The following CIITA variants were observed in gnomAD, a reference collection of about 807,000 sequenced individuals.
CIITA encodes class II major histocompatibility complex transactivator, also known as MHC class II transactivator.
In CIITA, 72 loss-of-function variants were observed where a neutral mutation model predicts 115.1. The observed-to-expected ratio is 0.63, with a 90% CI of 0.52 to 0.76. The LOEUF (loss-of-function observed/expected upper bound fraction) is 0.76. Ranked by LOEUF, CIITA falls within the 30% of genes least tolerant of loss-of-function variation. The probability of loss-of-function intolerance (pLI) is 0.00; values close to 1 mark genes in which losing one functional copy is unlikely to be tolerated. For synonymous variants in CIITA, 763 were observed against 635.6 expected, an observed-to-expected ratio of 1.20 and a Z score of -3.02; for missense variants, 1,617 against 1,463.8, an observed-to-expected ratio of 1.10 and a Z score of -1.71.
intron 1 of CIITA, among the ~76,000 whole-genome samples, chr16:10,870,169 CAAAAAAAAAAAAAAAA>C (rs34256366): frequency 4.3e-5 from 2 of 46,284 alleles, no homozygotes; most frequent in South Asian, 1.0e-3. Context: ...GTACTTCCTG[CAAAAAAAAAAAAAAAA>C]AAAAAAAAAA....
rs146324480 is a variant in CIITA at position 10,941,780 on chromosome 16, G to A, written n.906G>A. 2.1e-5 allele frequency: 34 copies of A among 1,613,644 alleles called. No individual in the cohort carries two copies. Among genetic ancestry groups the A allele is most frequent in the Middle Eastern group, 1.7e-4 (1 of 6,046 alleles). On this transcript the variant is annotated non_coding_transcript_exon_variant, in exon 2 of 2. Transcript: ENST00000573379. This position sits in a 1 kb window ranked among gnomAD's most constrained non-coding sequence, Gnocchi z 6.4. Reference sequence around the variant, plus strand: ...TCAGCATCGTAAAGGCCCGAGCCGGGGTCGGAGAGCACGCCGAGGTCCACG... The same window carrying A: ...TCAGCATCGTAAAGGCCCGAGCCGGAGTCGGAGAGCACGCCGAGGTCCACG...
chr16:10,937,005 G>A (rs1235725422), downstream of CIITA: 1 of 152,220 alleles, frequency 6.6e-6, no homozygotes, highest in Non-Finnish European at 1.5e-5. This position sits in a 1 kb window ranked among gnomAD's most constrained non-coding sequence, Gnocchi z 4.2. Flanking sequence ...AGCTGTAAGT[G>A]GGGCAGACCC....
chr16:10,873,577 T>G (rs1278556147), upstream of CIITA, among the ~76,000 whole-genome samples: 1 of 152,174 alleles, frequency 6.6e-6, no homozygotes, highest in Non-Finnish European at 1.5e-5. Flanking sequence ...GCTCCCAGCA[T>G]TCTTCCTTGG....
chr16:10,872,794 T>A (rs1165071516), upstream of CIITA, among the ~76,000 whole-genome samples: 2 of 152,206 alleles, frequency 1.3e-5, no homozygotes, highest in East Asian at 3.8e-4. Flanking sequence ...CTGCTAGAAA[T>A]TATGGTGGAC....
At position 10,901,441 on chromosome 16, in the gene CIITA, G is replaced by C; in HGVS notation, c.437-73G>C. The C allele has an allele frequency of 2.6e-6, 4 of 1,535,660 alleles. No homozygotes were observed. Among genetic ancestry groups the C allele is most frequent in the Non-Finnish European group, 3.6e-6 (4 of 1,109,962 alleles). On this transcript the variant is annotated intron_variant, in intron 5 of 19. Transcript: ENST00000324288. The surrounding 1 kb of genome is among the most constrained non-coding windows in gnomAD (Gnocchi z 6.8). The stretch of plus-strand genomic sequence containing the variant: ...CCTTGAAGTTAAGGCCGTATAGCCT[G>C]CTAGAGTCCTGAGCCCCTTCTGGCT...
At chr16:10,871,471 T>G (rs113876239) in intron 1 of CIITA, among the ~76,000 whole-genome samples, 2 of 152,246 alleles carry the variant, frequency 1.3e-5, no homozygotes, top group Non-Finnish European at 1.5e-5. Flanking sequence ...TTGTTTTTGT[T>G]GTTCTGATTT....
chr16:10,938,338 G>C (rs74245513), downstream of CIITA: 1 of 151,170 alleles, frequency 6.6e-6, no homozygotes, highest in African/African-American at 2.4e-5. This position sits in a 1 kb window ranked among gnomAD's most constrained non-coding sequence, Gnocchi z 4.9. Context: ...AAATGTTTGA[G>C]GAACTGAATT....
chr16:10,892,020 C>A (rs926762062), intron 1 of CIITA, among the ~76,000 whole-genome samples: 1 of 152,040 alleles, frequency 6.6e-6, no homozygotes, highest in Non-Finnish European at 1.5e-5. Context: ...GCTGTGGATG[C>A]GTGAAAGAAA....
intron 1 of CIITA, 133 bp downstream of exon 1, chr16:10,877,515 G>A: frequency 1.1e-6 from 1 of 947,224 alleles, no homozygotes; most frequent in South Asian, 1.4e-5. Flanking sequence ...TCCTGCTGGG[G>A]CAGGCCATTG....
At position 10,898,724 on chromosome 16, in the gene CIITA, A is replaced by T; in HGVS notation, c.350A>T (p.Asp117Val). 6.2e-7 allele frequency: 1 copy of T among 1,611,924 alleles called. No homozygotes were observed. Among genetic ancestry groups the T allele is most frequent in the Non-Finnish European group, 8.5e-7 (1 of 1,179,148 alleles). Reference protein sequence around the residue: ...QDSQLEGLSKDIFKHIGPDEV... With the variant: ...QDSQLEGLSKVIFKHIGPDEV... ...TCCCAGCTGGAGGGCCTGAGCAAGGACATTTTCAGTAAGTTTGTGGTGGGT... is the reference window on the plus strand; with the variant it reads ...TCCCAGCTGGAGGGCCTGAGCAAGGTCATTTTCAGTAAGTTTGTGGTGGGT... The change falls in exon 4 of 20, where the codon GAC (aspartate) becomes GTC (valine). Residue 117 changes from aspartate to valine, a missense_variant. Physicochemically the swap from Asp to Val is radical, Grantham distance 152 (BLOSUM62 -3). Coordinates refer to ENST00000324288, the MANE Select transcript of CIITA (RefSeq NM_000246.4).
At chr16:10,885,590 T>C (rs2036863811) in intron 1 of CIITA, among the ~76,000 whole-genome samples, 1 of 152,164 alleles carries the variant, frequency 6.6e-6, no homozygotes, top group Non-Finnish European at 1.5e-5. Context: ...TATCTACACT[T>C]GGTTTGCAAA....
rs756482982 is a variant in CIITA, at chr16:10,906,976, T to G, written c.1484T>G (p.Leu495Arg). Residue 495 changes from leucine (L) to arginine (R), a missense_variant, in exon 11 of 20, where the codon CTG becomes CGG. Physicochemically the swap from Leu to Arg is moderately radical, Grantham distance 102. Transcript: ENST00000324288. ...ATCTTGAAGAGACCTGACCGCGTTC[T>G]GCTCATCCTAGACGGCTTCGAGGAG... ...SHILKRPDRVLLILDGFEELE... is the reference protein window; with the variant it reads ...SHILKRPDRVRLILDGFEELE... The G allele has an allele frequency of 1.9e-6, 3 of 1,612,198 alleles. No individual in the cohort carries two copies. Among genetic ancestry groups the G allele is most frequent in the African/African-American group, 1.3e-5 (1 of 74,918 alleles).
At chr16:10,875,662 C>G (rs778413299), upstream of CIITA, among the ~76,000 whole-genome samples, 12 of 151,942 alleles carry the variant, frequency 7.9e-5, no homozygotes, top group Non-Finnish European at 1.2e-4. Context: ...ACCTTTTTTA[C>G]TTATCTTTCT....
At chr16:10,902,276 C>A (rs979435819) in intron 7 of CIITA, 92 bp downstream of exon 7, 2 of 1,528,404 alleles carry the variant, frequency 1.3e-6, no homozygotes, top group Non-Finnish European at 1.8e-6. Context: ...AGGAACTGGA[C>A]CTCACCTCTC....
At chr16:10,916,876 T>C (rs2039981482) in intron 15 of CIITA, 2 of 373,360 alleles carry the variant, frequency 5.4e-6, no homozygotes, top group Non-Finnish European at 1.0e-5. Context: ...GGACCTACTA[T>C]GTGCAGGCAC....
intron 12 of CIITA, 75 bp from the exon 13 acceptor site, chr16:10,910,113 G>A: frequency 7.8e-7 from 1 of 1,274,456 alleles, no homozygotes; most frequent in South Asian, 1.2e-5. Flanking sequence ...CACTGGGGCA[G>A]CCATCATGGG....
intron 4 of CIITA, 45 bp from the exon 5 acceptor site, chr16:10,898,880 C>A: frequency 6.2e-7 from 1 of 1,608,826 alleles, no homozygotes; most frequent in Non-Finnish European, 8.5e-7. Context: ...TCACCTTGGG[C>A]TTTCATTGAT....
Position 10,929,193 on chromosome 16 carries a change from A to C in CIITA, c.*5338A>C. On this transcript the variant is annotated 3_prime_UTR_variant, in exon 20 of 20. Coordinates refer to ENST00000324288, the MANE Select transcript of CIITA (RefSeq NM_000246.4). The surrounding 1 kb of genome is among the most constrained non-coding windows in gnomAD (Gnocchi z 4.3). ...CTAAGACCAGCCTCGGGCTAAACCC[A>C]GCTGGCCTGAAGGCTCAACTCACAT... 1.0e-6 allele frequency: 1 copy of C among 985,398 alleles called. No homozygotes were observed. Among genetic ancestry groups the C allele is most frequent in the Non-Finnish European group, 1.2e-6 (1 of 829,576 alleles). 61.0% of individuals were successfully genotyped at this position (985,398 alleles called of 1,614,324 possible).
chr16:10,892,222 G>A (rs1181525701), intron 1 of CIITA, among the ~76,000 whole-genome samples: 7 of 152,044 alleles, frequency 4.6e-5, no homozygotes, highest in African/African-American at 1.7e-4. Flanking sequence ...TACTTGGGAG[G>A]TTGAAGCAGG....
Sources: allele counts gnomAD v4.1 joint callset (sites outside exome capture counted in the v4.1 genomes callset), GRCh38; gene constraint gnomAD v4.1.1; non-coding constraint Gnocchi (gnomAD v3.1); transcripts MANE v1.5; gene names NCBI Gene and HGNC (gene_info 2026-07-23, HGNC 2026-07-21).